Variants in GLI3 observed in about 807,000 individuals in gnomAD.
The protein encoded by GLI3 is GLI family zinc finger 3.
Under a neutral mutation model 100.8 loss-of-function variants are expected in GLI3, and 20 were observed. The observed-to-expected ratio is 0.20, with a 90% CI of 0.14 to 0.29. The LOEUF is 0.29. Ranked by LOEUF, GLI3 falls within the 10% of genes least tolerant of loss-of-function variation. The probability of loss-of-function intolerance (pLI) is 1.00; values close to 1 mark genes in which losing one functional copy is unlikely to be tolerated. For missense variants in GLI3, 2,040 were observed against 2,128.5 expected (o/e 0.96, Z 0.82); for synonymous variants, 938 against 860.5 (o/e 1.09, Z -1.58).
intron 3 of GLI3, among the ~76,000 whole-genome samples, chr7:42,077,593 T>C (rs889880519): frequency 1.3e-5 from 2 of 151,932 alleles, no homozygotes; most frequent in Non-Finnish European, 2.9e-5. Context: ...ACCCAGGCCC[T>C]CTCCTGCTTC....
At chr7:42,005,585 A>T (rs1448882384) in intron 10 of GLI3, among the ~76,000 whole-genome samples, 1 of 151,668 alleles carries the variant, frequency 6.6e-6, no homozygotes, top group Non-Finnish European at 1.5e-5. Flanking sequence ...CTTGGCAGGG[A>T]GCAGCTGATA....
intron 10 of GLI3, among the ~76,000 whole-genome samples, chr7:41,991,765 C>T (rs543955138): frequency 2.5e-4 from 38 of 152,102 alleles, no homozygotes; most frequent in African/African-American, 8.9e-4. Flanking sequence ...GGTAACTGAG[C>T]TGAATTCAGA....
Position 41,966,651 on chromosome 7 carries a change from G to A in GLI3, c.2432-10C>T, listed in dbSNP as rs1373858525. 1.2e-6 allele frequency: 2 copies of A among 1,613,848 alleles called. No individual in the cohort carries two copies. The highest frequency in any genetic ancestry group is 3.3e-5 in the Admixed American group (2 of 60,036). On this transcript the variant is annotated splice_polypyrimidine_tract_variant and intron_variant, in intron 14 of 14. Coordinates refer to ENST00000395925, the MANE Select transcript of GLI3 (RefSeq NM_000168.6). The surrounding 1 kb of genome is among the most constrained non-coding windows in gnomAD (Gnocchi z 5.8). ...TTGTTGGACTGTGTGCCTGGAGACA[G>A]AGAAAGGGAGAGACCATGCGGAGAT... is the stretch of plus-strand genomic sequence containing the variant.
intron 10 of GLI3, among the ~76,000 whole-genome samples, chr7:41,995,244 G>A (rs1001474928): frequency 2.0e-5 from 3 of 152,188 alleles, no homozygotes; most frequent in East Asian, 1.9e-4. Context: ...AGGTATTAAG[G>A]TCCTTGCCAC....
chr7:42,198,669 C>T, intron 2 of GLI3, among the ~76,000 whole-genome samples: 1 of 152,118 alleles, frequency 6.6e-6, no homozygotes, highest in Non-Finnish European at 1.5e-5. Context: ...TGTAGAACTT[C>T]CCTTAAGGGA....
chr7:42,182,662 A>ATATATATATACATGTGTGTGTG (rs1554337072), intron 2 of GLI3, among the ~76,000 whole-genome samples: 15 of 76,714 alleles, frequency 2.0e-4, no homozygotes, highest in Middle Eastern at 6.6e-3. Context: ...ATATATATAT[A>ATATATATATACATGTGTGTGTG]TATATATATA....
In GLI3 at chr7:41,966,191, C is replaced by T; in HGVS notation, c.2882G>A (p.Gly961Glu). ...GGCCACGCCAGGCTCGAGGGCATCC[C>T]CGAGCAGCGCCAGGCGCGTCTTCAG... ...MSLKTRLALL[G>E]DALEPGVALP... The change falls in exon 15 of 15, where the codon GGG becomes GAG. Residue 961 changes from glycine (G) to glutamate (E), a missense_variant. Around this residue, in one of 5 missense-constraint regions of GLI3, gnomAD observed 1,041 missense variants for 924.0 expected, o/e 1.13. Transcript: ENST00000395925. The surrounding 1 kb of genome is among the most constrained non-coding windows in gnomAD (Gnocchi z 5.8). The T allele has an allele frequency of 6.2e-7, 1 of 1,605,064 alleles. No homozygotes were observed. Among genetic ancestry groups the T allele is most frequent in the South Asian group, 1.1e-5 (1 of 90,494 alleles).
chr7:42,255,103 G>T (rs1789072420), intron 1 of GLI3, among the ~76,000 whole-genome samples: 1 of 144,620 alleles, frequency 6.9e-6, no homozygotes. Context: ...TTTGTGCATA[G>T]GATTCTTTTA....
At chr7:42,110,970 A>T (rs956429619) in intron 3 of GLI3, among the ~76,000 whole-genome samples, 1 of 152,190 alleles carries the variant, frequency 6.6e-6, no homozygotes, top group Non-Finnish European at 1.5e-5. Flanking sequence ...GAAACCAGTC[A>T]AACTTGGGTT....
chr7:42,104,486 C>T (rs774883776), intron 3 of GLI3, among the ~76,000 whole-genome samples: 1 of 152,122 alleles, frequency 6.6e-6, no homozygotes, highest in African/African-American at 2.4e-5. Context: ...ATAAAGTAGG[C>T]ATTTCCAAAT....
intron 2 of GLI3, among the ~76,000 whole-genome samples, chr7:42,179,386 G>C (rs1787546702): frequency 6.6e-6 from 1 of 152,180 alleles, no homozygotes; most frequent in Non-Finnish European, 1.5e-5. Flanking sequence ...GCAGGTAACG[G>C]GAGGGACAGA....
intron 2 of GLI3, among the ~76,000 whole-genome samples, chr7:42,189,587 C>G (rs1038356799): frequency 3.3e-5 from 5 of 152,154 alleles, no homozygotes; most frequent in African/African-American, 1.2e-4. Flanking sequence ...TTCAGATACT[C>G]TAACATGTAT....
At chr7:42,036,959 T>C (rs926613506) in intron 7 of GLI3, among the ~76,000 whole-genome samples, 1 of 152,032 alleles carries the variant, frequency 6.6e-6, no homozygotes, top group Non-Finnish European at 1.5e-5. Context: ...CTGGCCAACA[T>C]GGTGAAACCC....
chr7:41,965,699 C>A lies in GLI3; in HGVS notation c.3374G>T (p.Gly1125Val), dbSNP rs748255243. The A allele has an allele frequency of 6.2e-6, 10 of 1,613,584 alleles. No individual in the cohort carries two copies. The highest frequency in any genetic ancestry group is 4.0e-5 in the African/African-American group (3 of 74,866). ...ALPDDSKVPH[G>V]PGDFDAPGLP... is the part of the protein sequence containing the mutation. ...CCCGGGCGCGTCAAAGTCACCGGGC[C>A]CGTGGGGCACTTTGCTGTCGTCCGG... is the stretch of plus-strand genomic sequence containing the variant. Residue 1125 changes from glycine (G) to valine (V), a missense_variant, in exon 15 of 15, where the codon GGG becomes GTG. Gly to Val is a moderately radical substitution (Grantham distance 109). Coordinates refer to ENST00000395925, the MANE Select transcript of GLI3 (RefSeq NM_000168.6).
chr7:42,236,510 C>G (rs1169197078), intron 1 of GLI3, among the ~76,000 whole-genome samples: 2 of 151,446 alleles, frequency 1.3e-5, no homozygotes, highest in East Asian at 1.9e-4. Flanking sequence ...CGGCGGAGGT[C>G]CCCGCGCGCA....
intron 10 of GLI3, among the ~76,000 whole-genome samples, chr7:42,001,746 T>C (rs1788301849): frequency 6.6e-6 from 1 of 151,812 alleles, no homozygotes; most frequent in South Asian, 2.1e-4. Flanking sequence ...AATAAACATA[T>C]AAAATAATAA....
chr7:42,043,482 C>T (rs1784184141), intron 6 of GLI3, among the ~76,000 whole-genome samples: 1 of 152,150 alleles, frequency 6.6e-6, no homozygotes, highest in South Asian at 2.1e-4. Flanking sequence ...CTGATCATAC[C>T]ACTTCCTTCT....
intron 10 of GLI3, among the ~76,000 whole-genome samples, chr7:41,986,230 C>T (rs1352316315): frequency 6.6e-6 from 1 of 152,186 alleles, no homozygotes; most frequent in Non-Finnish European, 1.5e-5. Flanking sequence ...AAATGGACTT[C>T]TTCCTGGCTG....
chr7:42,257,613 G>A (rs1304831277), intron 1 of GLI3, among the ~76,000 whole-genome samples: 4 of 151,922 alleles, frequency 2.6e-5, no homozygotes, highest in Admixed American at 1.3e-4. Context: ...CAAAGTGCTG[G>A]GATTACAGGC....
Sources: gnomAD v4.1 joint callset for allele counts (sites outside exome capture counted in the v4.1 genomes callset) on GRCh38, gnomAD v4.1.1 for gene constraint, gnomAD v4.1.1 regional missense constraint, Gnocchi (gnomAD v3.1) non-coding constraint, MANE v1.5 for transcripts, NCBI Gene and HGNC (gene_info 2026-07-23, HGNC 2026-07-21) for gene names.